The following SLC5A11 variants were observed in gnomAD, a reference collection of about 807,000 sequenced individuals.
SLC5A11 encodes the protein sodium/myo-inositol cotransporter 2.
A neutral mutation model predicts 69.8 loss-of-function variants in SLC5A11; 48 were observed. The ratio of observed to expected loss-of-function variants is 0.69; its 90% CI spans 0.55 to 0.87. The LOEUF (loss-of-function observed/expected upper bound fraction) is 0.87. SLC5A11 is among the 40% of genes least tolerant of loss of function. The pLI is 0.00. For synonymous variants in SLC5A11, 319 were observed against 342.4 expected (o/e 0.93, Z 0.75); for missense variants, 784 against 866.1 (o/e 0.91, Z 1.19).
intron 4 of SLC5A11, among the ~76,000 whole-genome samples, chr16:24,871,199 C>T (rs141980638): frequency 5.9e-5 from 9 of 152,318 alleles, no homozygotes; most frequent in Middle Eastern, 3.4e-3. Flanking sequence ...TGCTCCAACA[C>T]GTATAAACTT....
At chr16:24,877,801 T>G in intron 7 of SLC5A11, among the ~76,000 whole-genome samples, 1 of 152,120 alleles carries the variant, frequency 6.6e-6, no homozygotes, top group South Asian at 2.1e-4. Context: ...CTGACCAACA[T>G]GGCAAAACCC....
chr16:24,900,910 C>A (rs2152400303), intron 10 of SLC5A11, among the ~76,000 whole-genome samples: 1 of 145,116 alleles, frequency 6.9e-6, no homozygotes, highest in African/African-American at 2.6e-5. Context: ...ATAGCAAGAC[C>A]CTATCTCTAA....
intron 8 of SLC5A11, among the ~76,000 whole-genome samples, chr16:24,888,747 G>A (rs2048563743): frequency 7.0e-6 from 1 of 143,790 alleles, no homozygotes; most frequent in African/African-American, 2.6e-5. Flanking sequence ...GCCTCCCAAA[G>A]TGCTGGGATT....
At chr16:24,861,777 AAAAG>A (rs975143748) in intron 2 of SLC5A11, among the ~76,000 whole-genome samples, 10 of 148,162 alleles carry the variant, frequency 6.7e-5, no homozygotes, top group South Asian at 2.1e-4. Context: ...AAGAGAAAGA[AAAAG>A]GAAGGAAGGA....
rs1309415736 is a variant in SLC5A11, at chr16:24,891,938, C to CT, written c.870+864_870+865insT. ...CAAGGAGATTGAGAGTGTGGGAGTG[C>CT]AATTTAAAATGGGGTGACAGGTGGC... is the stretch of plus-strand genomic sequence containing the variant. On this transcript the variant is annotated intron_variant, in intron 9 of 15. Coordinates refer to ENST00000347898, the Ensembl canonical transcript of SLC5A11. Among the ~76,000 whole-genome samples, 161 of 147,990 alleles carry CT rather than the reference C, an allele frequency of 1.1e-3. 1 individual carries two copies. The East Asian group carries it at 0.027, about 25-fold the overall frequency.
At chr16:24,892,931 A>G (rs2048909951) in intron 9 of SLC5A11, among the ~76,000 whole-genome samples, 1 of 152,050 alleles carries the variant, frequency 6.6e-6, no homozygotes, top group Admixed American at 6.6e-5. Context: ...GGTAGGAGAG[A>G]CCTTGAGAAA....
At chr16:24,906,946 C>A in intron 11 of SLC5A11, 79 bp from the exon 13 acceptor site, 1 of 1,562,448 alleles carries the variant, frequency 6.4e-7, no homozygotes. Context: ...TGAGGTTCTG[C>A]CTCCTCCAGT....
At chr16:24,884,379 G>T (rs2048255354) in intron 8 of SLC5A11, among the ~76,000 whole-genome samples, 1 of 152,140 alleles carries the variant, frequency 6.6e-6, no homozygotes, top group African/African-American at 2.4e-5. Flanking sequence ...CAGTCAGGCT[G>T]GAGTGCAGTG....
intron 9 of SLC5A11, among the ~76,000 whole-genome samples, chr16:24,892,000 TGAGCCCAGGAGTTTGAGA>T (rs1188883810): frequency 6.7e-6 from 1 of 148,468 alleles, no homozygotes; most frequent in African/African-American, 2.5e-5. Context: ...GAGGCTCACT[TGAGCCCAGGAGTTTGAGA>T]CCAACCTGGG....
At position 24,862,588 on chromosome 16, in the gene SLC5A11, CTT is replaced by C; in HGVS notation, c.136-5_136-4del. The stretch of plus-strand genomic sequence containing the variant: ...ACGTCTTCCCTCACCCACCTCTCTT[CTT>C]TTTTTTTCAGTCCACAGTGAAGACC... On this transcript the variant is annotated splice_polypyrimidine_tract_variant and intron_variant, in intron 2 of 15. Transcript: ENST00000347898. The C allele has an allele frequency of 1.3e-6, 2 of 1,541,920 alleles. No homozygotes were observed. Among genetic ancestry groups the C allele is most frequent in the Non-Finnish European group, 1.8e-6 (2 of 1,130,252 alleles).
At chr16:24,908,185 T>A in intron 13 of SLC5A11, 54 bp downstream of exon 14, 1 of 1,509,668 alleles carries the variant, frequency 6.6e-7, no homozygotes, top group Non-Finnish European at 8.9e-7. Context: ...CCTTGAGGAC[T>A]GGGATAGGAT....
intron 9 of SLC5A11, among the ~76,000 whole-genome samples, chr16:24,894,593 A>G (rs1488408241): frequency 1.3e-5 from 2 of 149,138 alleles, no homozygotes; most frequent in Non-Finnish European, 3.0e-5. Context: ...CGAGGTCAGG[A>G]GATCAAGACC....
chr16:24,875,868 G>A (rs1406466713), intron 6 of SLC5A11, 137 bp downstream of exon 7: 2 of 732,638 alleles, frequency 2.7e-6, no homozygotes, highest in Non-Finnish European at 4.6e-6. Context: ...AGAGGAAGAT[G>A]GCATGGGGGG....
intron 8 of SLC5A11, among the ~76,000 whole-genome samples, chr16:24,886,191 T>C (rs2048385980): frequency 6.6e-6 from 1 of 152,022 alleles, no homozygotes; most frequent in South Asian, 2.1e-4. Flanking sequence ...CACGCCACCA[T>C]GCCCAGCTAA....
At chr16:24,847,411 T>TTC (rs148693295) in intron 1 of SLC5A11, among the ~76,000 whole-genome samples, 2 of 151,292 alleles carry the variant, frequency 1.3e-5, no homozygotes, top group African/African-American at 4.9e-5. Flanking sequence ...GTGTTTTCTG[T>TTC]TCTCTCTCTC....
chr16:24,861,573 G>A (rs1385909063), intron 2 of SLC5A11, among the ~76,000 whole-genome samples: 1 of 140,370 alleles, frequency 7.1e-6, no homozygotes, highest in African/African-American at 2.7e-5. Flanking sequence ...GAAAGAGAGA[G>A]AAAGAAAGAG....
At chr16:24,862,940 AAATATATAACATATAATTATATATTATAT>A (rs2046672453) in intron 3 of SLC5A11, among the ~76,000 whole-genome samples, 1 of 139,478 alleles carries the variant, frequency 7.2e-6, no homozygotes, top group African/African-American at 2.7e-5. Context: ...ATATTATATA[AAATATATAACATATAATTATATATTATAT>A]AATATATAAT....
chr16:24,901,946 ACACACACACACG>A (rs2049638183), intron 10 of SLC5A11, among the ~76,000 whole-genome samples: 4 of 127,734 alleles, frequency 3.1e-5, no homozygotes, highest in South Asian at 5.7e-4. Flanking sequence ...ACACACACAC[ACACACACACACG>A]CACACACACA....
At chr16:24,850,033 G>A (rs2059230835) in intron 1 of SLC5A11, among the ~76,000 whole-genome samples, 1 of 151,998 alleles carries the variant, frequency 6.6e-6, no homozygotes, top group South Asian at 2.1e-4. Context: ...AACCTCTTGG[G>A]CTTAAACAAT....
Sources: gnomAD v4.1 joint callset for allele counts (sites outside exome capture counted in the v4.1 genomes callset) on GRCh38, gnomAD v4.1.1 for gene constraint, MANE v1.5 for transcripts, NCBI Gene and HGNC (gene_info 2026-07-23, HGNC 2026-07-21) for gene names.